The following NUP205 variants were observed in gnomAD, a reference collection of about 807,000 sequenced individuals.
The protein encoded by NUP205 is nucleoporin 205, also known as nuclear pore complex protein Nup205.
Under a neutral mutation model 253.8 loss-of-function variants are expected in NUP205, and 76 were observed. That is an observed-to-expected ratio of 0.30 (90% CI 0.25 to 0.36). NUP205 has a LOEUF of 0.36. Ranked by LOEUF, NUP205 falls within the 10% of genes least tolerant of loss-of-function variation. NUP205 has a pLI of 1.00. For synonymous variants in NUP205, 832 were observed against 850.1 expected, an observed-to-expected ratio of 0.98 and a Z score of 0.37; for missense variants, 2,162 against 2,425.5, an observed-to-expected ratio of 0.89 and a Z score of 2.28.
At chr7:135,564,270 G>A (rs1404652270) in intron 1 of NUP205, among the ~76,000 whole-genome samples, 2 of 145,514 alleles carry the variant, frequency 1.4e-5, no homozygotes, top group Non-Finnish European at 3.0e-5. Flanking sequence ...TTTTTGAGAC[G>A]GAGTCTTGCC....
rs781075500 is a variant in NUP205 at position 135,618,554 on chromosome 7, AG to A, written c.3916del (p.Asp1306IlefsTer4). The A allele has an allele frequency of 1.2e-6, 2 of 1,612,860 alleles. No homozygotes were observed. Among genetic ancestry groups the A allele is most frequent in the Non-Finnish European group, 1.7e-6 (2 of 1,179,498 alleles). On this transcript the variant is annotated frameshift_variant, in exon 28 of 43. Coordinates refer to ENST00000285968, the MANE Select transcript of NUP205 (RefSeq NM_015135.3). LOFTEE classifies it high-confidence loss of function. ...TACPQDLIQA[E>X]DRQLIIRDIL... ...TGTCCCCAGGACCTCATTCAGGCAGAGGATCGACAACTGATTATTCGTGATA... is the reference window on the plus strand; with the variant it reads ...TGTCCCCAGGACCTCATTCAGGCAGAGATCGACAACTGATTATTCGTGATA...
At chr7:135,580,007 T>C (rs953738514) in intron 7 of NUP205, among the ~76,000 whole-genome samples, 1 of 152,204 alleles carries the variant, frequency 6.6e-6, no homozygotes, top group Non-Finnish European at 1.5e-5. Context: ...GCTATTTACA[T>C]TTACATTATT....
chr7:135,568,779 T>C (rs1040742546), intron 1 of NUP205, among the ~76,000 whole-genome samples: 1 of 152,234 alleles, frequency 6.6e-6, no homozygotes, highest in Non-Finnish European at 1.5e-5. Flanking sequence ...GAATTCTCTT[T>C]CATGCTTTCA....
intron 20 of NUP205, among the ~76,000 whole-genome samples, chr7:135,606,463 A>G (rs1278749891): frequency 6.6e-6 from 1 of 152,184 alleles, no homozygotes; most frequent in Non-Finnish European, 1.5e-5. Context: ...GGATTTTTGG[A>G]TTTTTGGATT....
At chr7:135,578,605 C>A in intron 6 of NUP205, 146 bp from the exon 7 acceptor site, 1 of 551,164 alleles carries the variant, frequency 1.8e-6, no homozygotes, top group Non-Finnish European at 3.1e-6. Flanking sequence ...AGTAGTGTAC[C>A]TTTTGGGATG....
intron 1 of NUP205, among the ~76,000 whole-genome samples, chr7:135,560,037 T>C (rs1805541850): frequency 6.6e-6 from 1 of 152,132 alleles, no homozygotes; most frequent in Admixed American, 6.5e-5. Context: ...TTTTTGTATT[T>C]GTAGTAGAGA....
chr7:135,618,826 T>C (rs573578003), intron 28 of NUP205, among the ~76,000 whole-genome samples: 14 of 152,244 alleles, frequency 9.2e-5, no homozygotes, highest in Non-Finnish European at 1.9e-4. Flanking sequence ...AAAATTCACA[T>C]GGACAGAGCC....
At chr7:135,570,252 C>T (rs955470965) in intron 1 of NUP205, among the ~76,000 whole-genome samples, 1 of 151,492 alleles carries the variant, frequency 6.6e-6, no homozygotes, top group African/African-American at 2.4e-5. Context: ...TTGATCCTGT[C>T]GGCCAGGCTA....
chr7:135,560,879 A>G (rs1440847346), intron 1 of NUP205, among the ~76,000 whole-genome samples: 1 of 152,210 alleles, frequency 6.6e-6, no homozygotes, highest in Non-Finnish European at 1.5e-5. Flanking sequence ...TGCAAGATGA[A>G]AAAAGCTGTG....
At chr7:135,566,949 G>C (rs1214901788) in intron 1 of NUP205, among the ~76,000 whole-genome samples, 1 of 150,842 alleles carries the variant, frequency 6.6e-6, no homozygotes, top group Admixed American at 6.6e-5. Context: ...TATTGGCCAG[G>C]TGGCTGGTCT....
rs1318520747 is a variant in NUP205 at position 135,618,580 on chromosome 7, AT to A, written c.3944del (p.Leu1315TyrfsTer17). The A allele has an allele frequency of 1.2e-6, 2 of 1,605,608 alleles. No individual in the cohort carries two copies. The highest frequency in any genetic ancestry group is 1.7e-6 in the Non-Finnish European group (2 of 1,175,630). Reference protein sequence around the residue: ...AEDRQLIIRDILQDVHDKILD... With the variant: ...AEDRQLIIRDXLQDVHDKILD... ...GGATCGACAACTGATTATTCGTGAT[AT>A]TTTACAAGATGTGCATGATAAGGTG... On this transcript the variant is annotated frameshift_variant, in exon 28 of 43. Transcript: ENST00000285968. LOFTEE classifies it high-confidence loss of function.
chr7:135,612,831 A>T (rs942773680), intron 22 of NUP205, among the ~76,000 whole-genome samples: 8 of 152,214 alleles, frequency 5.3e-5, no homozygotes, highest in Non-Finnish European at 7.3e-5. Context: ...TTTAGATTTT[A>T]ATTCACAAGT....
Position 135,648,459 on chromosome 7 carries a change from A to G in NUP205, c.5942A>G (p.Asp1981Gly), listed in dbSNP as rs777245801. 1.3e-5 allele frequency: 21 copies of G among 1,607,372 alleles called. No homozygotes were observed. The highest frequency in any genetic ancestry group is 1.8e-5 in the Non-Finnish European group (21 of 1,178,018). ...GAATCACTACAAAAGAAACTTCTGG[A>G]CATTGAAGGATTATATTCAAAAGTT... ...FGESLQKKLL[D>G]IEGLYSKVRS... The change falls in exon 43 of 43, where the codon GAC becomes GGC. Residue 1981 changes from aspartate to glycine, a missense_variant. Physicochemically the swap from Asp to Gly is moderately conservative, Grantham distance 94 (BLOSUM62 -1). Transcript: ENST00000285968.
chr7:135,620,882 CT>C (rs1794458776), intron 30 of NUP205, among the ~76,000 whole-genome samples: 1 of 151,718 alleles, frequency 6.6e-6, no homozygotes, highest in African/African-American at 2.4e-5. Flanking sequence ...CTAAATGCTG[CT>C]TTCTAAAAAG....
chr7:135,619,987 G>A, intron 30 of NUP205, 99 bp downstream of exon 30: 1 of 766,144 alleles, frequency 1.3e-6, no homozygotes, highest in Non-Finnish European at 2.2e-6. Context: ...AATCACAACT[G>A]TAAAAAATGA....
In NUP205 at chr7:135,600,946, T is replaced by C; in HGVS notation, c.2351T>C (p.Val784Ala). 1.2e-6 allele frequency: 2 copies of C among 1,608,050 alleles called. No homozygotes were observed. The highest frequency in any genetic ancestry group is 1.7e-6 in the Non-Finnish European group (2 of 1,175,224). The change falls in exon 16 of 43, where the codon GTA becomes GCA. Residue 784 changes from valine to alanine, a missense_variant. By Grantham distance (64) the Val-to-Ala change is moderately conservative. Around this residue, in one of 5 missense-constraint regions of NUP205, gnomAD observed 892 missense variants for 957.1 expected, o/e 0.93. Transcript: ENST00000285968. ...TATGAGCCTCAGCTTGAAGATTTTG[T>C]AGACCAGTTTGTGGAACTACAAGGT... ...RDYEPQLEDF[V>A]DQFVELQGEE... is the part of the protein sequence containing the mutation.
rs533911608 is a variant in NUP205 at position 135,618,789 on chromosome 7, T to G, written c.3963+186T>G. On this transcript the variant is annotated intron_variant, in intron 28 of 42. Transcript: ENST00000285968. ...AGTAGTGGCTCTCAACCAGAGTGTG[T>G]GTCTGAGTTATCTCGGGAGCTTTGT... Among the ~76,000 whole-genome samples, 14 of 152,314 alleles carry G rather than the reference T, an allele frequency of 9.2e-5. 1 individual carries two copies. The South Asian group carries it at 2.9e-3, about 32-fold the overall frequency.
Position 135,617,129 on chromosome 7 carries a change from T to C in NUP205, c.3572T>C (p.Phe1191Ser). 6.2e-7 allele frequency: 1 copy of C among 1,613,458 alleles called. No individual in the cohort carries two copies. The highest frequency in any genetic ancestry group is 2.2e-5 in the East Asian group (1 of 44,836). ...KILNILDSID[F>S]SQEIPEPLQL... ...CTAAATATTCTTGACTCGATTGACT[T>C]CAGTCAGGAGATCCCTGAGCCTTTG... Residue 1191 changes from phenylalanine (F) to serine (S), a missense_variant, in exon 26 of 43, where the codon TTC becomes TCC. Phe to Ser is a radical substitution (Grantham distance 155, BLOSUM62 -2). Transcript: ENST00000285968.
At chr7:135,625,620 G>A (rs896112861) in intron 32 of NUP205, among the ~76,000 whole-genome samples, 4 of 152,124 alleles carry the variant, frequency 2.6e-5, no homozygotes, top group Admixed American at 6.5e-5. Context: ...CCAGTGCTCC[G>A]TGAGGACAGA....
Sources: gnomAD v4.1 joint callset for allele counts (sites outside exome capture counted in the v4.1 genomes callset) on GRCh38, gnomAD v4.1.1 for gene constraint, gnomAD v4.1.1 regional missense constraint, MANE v1.5 for transcripts, NCBI Gene and HGNC (gene_info 2026-07-23, HGNC 2026-07-21) for gene names.